Variants in GNAI2 observed in about 807,000 individuals in gnomAD.
The protein encoded by GNAI2 is G protein subunit alpha i2, also known as guanine nucleotide-binding protein G(i) subunit alpha-2.
A neutral mutation model predicts 36.8 loss-of-function variants in GNAI2; 4 were observed. The observed-to-expected ratio is 0.11, with a 90% confidence interval of 0.05 to 0.25. The LOEUF is 0.25. Ranked by LOEUF, GNAI2 falls within the 10% of genes least tolerant of loss-of-function variation. The pLI is 1.00. For synonymous variants in GNAI2, 194 were observed against 194.1 expected, an observed-to-expected ratio of 1.00 and a Z score of 0.01; for missense variants, 230 against 481.3, an observed-to-expected ratio of 0.48 and a Z score of 4.89.
chr3:50,230,888 C>T, exon 1 of GNAI2: 1 of 985,182 alleles, frequency 1.0e-6, no homozygotes, highest in Non-Finnish European at 1.2e-6. Flanking sequence ...GAAAGGACTC[C>T]TGGATTCCTG....
At position 50,257,006 on chromosome 3, in the gene GNAI2, A is replaced by G. The variant is rs1184256751; in HGVS notation, c.793A>G (p.Ile265Val). ...CNNKWFTDTS[I>V]ILFLNKKDLF... ...CAACAAGTGGTTCACAGACACGTCC[A>G]TCATCCTCTTCCTCAACAAGAAGGA... The change falls in exon 7 of 9, where the codon ATC (isoleucine) becomes GTC (valine). Residue 265 changes from isoleucine (I) to valine (V), a missense_variant. This residue lies in a region of GNAI2 where 30 missense variants were observed against 128.7 expected (regional missense o/e 0.23). Transcript: ENST00000313601. The G allele has an allele frequency of 1.9e-6, 3 of 1,613,912 alleles. No homozygotes were observed. The highest frequency in any genetic ancestry group is 2.7e-5 in the African/African-American group (2 of 74,944).
intron 7 of GNAI2, 145 bp from the exon 8 acceptor site, chr3:50,257,355 G>C (rs1700726368): frequency 3.1e-6 from 2 of 642,590 alleles, no homozygotes; most frequent in Non-Finnish European, 5.5e-6. Context: ...TGGCATGTAT[G>C]GGCAGCCACA....
intron 1 of GNAI2, among the ~76,000 whole-genome samples, chr3:50,245,289 C>T (rs894969226): frequency 6.6e-6 from 1 of 152,174 alleles, no homozygotes. Context: ...TGAGCCACCC[C>T]GCCCCGCCAG....
chr3:50,242,211 C>T lies in GNAI2; in HGVS notation c.118+5758C>T, dbSNP rs587672414. 4.7e-4 allele frequency among the ~76,000 whole-genome samples: 72 copies of T among 152,244 alleles called. No homozygotes were observed. The highest frequency in any genetic ancestry group is 1.7e-3 in the African/African-American group (71 of 41,536). On this transcript the variant is annotated intron_variant, in intron 1 of 8. Coordinates refer to ENST00000313601, the MANE Select transcript of GNAI2 (RefSeq NM_002070.4). This position sits in a 1 kb window ranked among gnomAD's most constrained non-coding sequence, Gnocchi z 4.8. ...CCAGGGACTCCCCCCACCCCACCCACAGCAGAGGAGGAGACTGTCACCCCA... is the reference window on the plus strand; with the variant it reads ...CCAGGGACTCCCCCCACCCCACCCATAGCAGAGGAGGAGACTGTCACCCCA...
chr3:50,248,614 C>T (rs587687454), intron 1 of GNAI2, among the ~76,000 whole-genome samples: 1 of 152,256 alleles, frequency 6.6e-6, no homozygotes, highest in South Asian at 2.1e-4. Context: ...CAGCACCACA[C>T]CCTTGTCCTG....
At chr3:50,237,553 T>C (rs750847762) in intron 1 of GNAI2, among the ~76,000 whole-genome samples, 3 of 151,250 alleles carry the variant, frequency 2.0e-5, no homozygotes, top group Admixed American at 1.3e-4. Context: ...CCTCTGAGAG[T>C]TGGGGGGCTT....
At chr3:50,248,136 G>A (rs1391803281) in intron 1 of GNAI2, among the ~76,000 whole-genome samples, 1 of 152,212 alleles carries the variant, frequency 6.6e-6, no homozygotes, top group Non-Finnish European at 1.5e-5. Flanking sequence ...TGGGGAGGCT[G>A]AGGCAGGAGA....
chr3:50,242,516 C>G lies in GNAI2; in HGVS notation c.118+6063C>G, dbSNP rs1553701258. Among the ~76,000 whole-genome samples the G allele has an allele frequency of 6.6e-6, 1 of 152,144 alleles. No homozygotes were observed. Among genetic ancestry groups the G allele is most frequent in the East Asian group, 1.9e-4 (1 of 5,188 alleles). On this transcript the variant is annotated intron_variant, in intron 1 of 8. Coordinates refer to ENST00000313601, the MANE Select transcript of GNAI2 (RefSeq NM_002070.4). The surrounding 1 kb of genome is among the most constrained non-coding windows in gnomAD (Gnocchi z 4.8). ...CCTGGTACCTGATGCTCTCAGGCAG[C>G]CCTTCCCTCAGCTACAGGTGCAGGG...
rs1553702668 is a variant in GNAI2 at position 50,252,574 on chromosome 3, A to G, written c.303+36A>G. ...TCCGCCCCACCCTCTCCCACCTCCC[A>G]AAAGGTTTCGGGGTGGCTGGTTGTG... On this transcript the variant is annotated intron_variant, in intron 3 of 8. Transcript: ENST00000313601. The surrounding 1 kb of genome is among the most constrained non-coding windows in gnomAD (Gnocchi z 4.1). The G allele has an allele frequency of 2.5e-6, 4 of 1,580,940 alleles. No individual in the cohort carries two copies. The highest frequency in any genetic ancestry group is 4.5e-5 in the East Asian group (2 of 43,994).
rs1196738112 is a variant in GNAI2 at position 50,243,599 on chromosome 3, C to T, written c.118+7146C>T. Among the ~76,000 whole-genome samples the T allele has an allele frequency of 2.6e-5, 4 of 152,340 alleles. No individual in the cohort carries two copies. In the South Asian group the frequency reaches 8.3e-4, roughly 32 times the overall value. ...CCCCTCAGGTGATAACCACAGCTGT[C>T]TCTGATTGAGCCTTGACTGTTGTGT... On this transcript the variant is annotated intron_variant, in intron 1 of 8. Transcript: ENST00000313601.
At chr3:50,251,608 G>C (rs782188576) in intron 1 of GNAI2, 2 of 1,263,884 alleles carry the variant, frequency 1.6e-6, no homozygotes, top group Non-Finnish European at 2.0e-6. Flanking sequence ...GTGACGCTGT[G>C]CTCCTGCTTA....
At chr3:50,243,115 G>A (rs1553701321) in intron 1 of GNAI2, among the ~76,000 whole-genome samples, 1 of 152,174 alleles carries the variant, frequency 6.6e-6, no homozygotes, top group Admixed American at 6.5e-5. Flanking sequence ...CAACTGGAAG[G>A]GTCTAGGAGG....
intron 1 of GNAI2, among the ~76,000 whole-genome samples, chr3:50,245,159 C>G (rs1327157794): frequency 6.6e-6 from 1 of 152,148 alleles, no homozygotes; most frequent in Non-Finnish European, 1.5e-5. Context: ...CCACCATGCC[C>G]GGCTAATTTT....
Position 50,256,313 on chromosome 3 carries a change from C to A in GNAI2, c.586C>A (p.His196Asn). The change falls in exon 5 of 9, where the codon CAC becomes AAC. Residue 196 changes from histidine (H) to asparagine (N), a missense_variant. By Grantham distance (68) the His-to-Asn change is moderately conservative. Transcript: ENST00000313601. ...VETHFTFKDL[H>N]FKMFDVGGQR... ...GACACACTTCACCTTCAAGGACCTA[C>A]ACTTCAAGTGAGCGAGCATGTGGAC... 6.2e-7 allele frequency: 1 copy of A among 1,613,958 alleles called. No individual in the cohort carries two copies. Among genetic ancestry groups the A allele is most frequent in the Non-Finnish European group, 8.5e-7 (1 of 1,179,848 alleles).
intron 1 of GNAI2, among the ~76,000 whole-genome samples, chr3:50,249,836 C>A (rs1424526279): frequency 1.3e-5 from 2 of 152,238 alleles, no homozygotes; most frequent in African/African-American, 4.8e-5. Flanking sequence ...CCTTTCCCCT[C>A]AGGGTGGTCT....
At chr3:50,256,428 C>A in intron 5 of GNAI2, 108 bp downstream of exon 5, 1 of 1,055,726 alleles carries the variant, frequency 9.5e-7, no homozygotes, top group Non-Finnish European at 1.5e-6. Flanking sequence ...TTTTACAAGG[C>A]TCATGTGTTC....
At chr3:50,243,222 AC>A in intron 1 of GNAI2, among the ~76,000 whole-genome samples, 1 of 152,256 alleles carries the variant, frequency 6.6e-6, no homozygotes, top group South Asian at 2.1e-4. Flanking sequence ...ACCTTGTCCC[AC>A]CCCAGCAACC....
chr3:50,236,519 C>A lies in GNAI2; in HGVS notation c.118+66C>A. 6.5e-7 allele frequency: 1 copy of A among 1,537,622 alleles called. No homozygotes were observed. Among genetic ancestry groups the A allele is most frequent in the South Asian group, 1.2e-5 (1 of 81,238 alleles). The stretch of plus-strand genomic sequence containing the variant: ...CGAATCCCCAGACAAGGACTTTGAC[C>A]TCCCAGACTAGGGCTTCAAACTCCC... On this transcript the variant is annotated intron_variant, in intron 1 of 8. Transcript: ENST00000313601. This position sits in a 1 kb window ranked among gnomAD's most constrained non-coding sequence, Gnocchi z 4.0.
intron 4 of GNAI2, among the ~76,000 whole-genome samples, 185 bp from the exon 5 acceptor site, chr3:50,256,007 C>T (rs1700687697): frequency 7.2e-6 from 1 of 138,896 alleles, no homozygotes. Flanking sequence ...GATCATGCCA[C>T]TGCACTCCAG....
Sources: gnomAD v4.1 joint callset for allele counts (sites outside exome capture counted in the v4.1 genomes callset) on GRCh38, gnomAD v4.1.1 for gene constraint, gnomAD v4.1.1 regional missense constraint, Gnocchi (gnomAD v3.1) non-coding constraint, MANE v1.5 for transcripts, NCBI Gene and HGNC (gene_info 2026-07-23, HGNC 2026-07-21) for gene names.